Variants in ZC3H12B observed in about 807,000 individuals in gnomAD.
ZC3H12B encodes the protein probable ribonuclease ZC3H12B.
ZC3H12B carries 7 observed loss-of-function variants against 43.9 expected under a neutral mutation model. The observed-to-expected ratio is 0.16, with a 90% CI of 0.09 to 0.30. The LOEUF is 0.30. ZC3H12B is among the 10% of genes least tolerant of loss of function. The pLI is 1.00. For missense variants in ZC3H12B, 475 were observed against 670.2 expected, an observed-to-expected ratio of 0.71 and a Z score of 3.22; for synonymous variants, 222 against 241.7, an observed-to-expected ratio of 0.92 and a Z score of 0.76.
chrX:65,449,918 G>T (rs2067446480), intron 3 of ZC3H12B, among the ~76,000 whole-genome samples: 1 of 111,264 alleles, frequency 9.0e-6, no homozygotes, highest in Admixed American at 9.6e-5. Context: ...CACTACTCAG[G>T]TGATCAGTGT....
the ZC3H12B span, among the ~76,000 whole-genome samples, chrX:65,291,694 G>A: frequency 6.2e-5 from 7 of 112,049 alleles, no homozygotes; most frequent in Non-Finnish European, 1.1e-4. Flanking sequence ...TTTAATTAGT[G>A]ATGATAATTA....
upstream of ZC3H12B, among the ~76,000 whole-genome samples, chrX:65,364,828 C>A (rs2066152571): frequency 9.0e-6 from 1 of 111,246 alleles, no homozygotes; most frequent in Non-Finnish European, 1.9e-5. Context: ...TGTGACCTCC[C>A]TTCCCTACAC....
At chrX:65,209,576 G>A in the ZC3H12B span, among the ~76,000 whole-genome samples, 2 of 106,112 alleles carry the variant, frequency 1.9e-5, no homozygotes, top group African/African-American at 3.4e-5. Context: ...TTTTACATTT[G>A]CTGAGGAGAG....
the ZC3H12B span, among the ~76,000 whole-genome samples, chrX:65,345,291 C>A: frequency 1.8e-5 from 2 of 112,115 alleles, no homozygotes; most frequent in South Asian, 7.4e-4. Flanking sequence ...GACGTGGACT[C>A]AACCTAAGAG....
At chrX:65,239,418 G>C in the ZC3H12B span, among the ~76,000 whole-genome samples, 70 of 105,104 alleles carry the variant, frequency 6.7e-4, no homozygotes, top group African/African-American at 2.4e-3. Context: ...TTTTCCATTT[G>C]CTTGATATTT....
chrX:65,225,840 A>T, the ZC3H12B span, among the ~76,000 whole-genome samples: 3 of 111,950 alleles, frequency 2.7e-5, no homozygotes, highest in East Asian at 8.4e-4. Flanking sequence ...GAACAAAAAG[A>T]AACGAACAAA....
the ZC3H12B span, among the ~76,000 whole-genome samples, chrX:65,311,633 C>G: frequency 2.7e-5 from 3 of 111,695 alleles, no homozygotes; most frequent in Non-Finnish European, 5.6e-5. Flanking sequence ...ACCCAGCGAT[C>G]CCATTACTGT....
the ZC3H12B span, among the ~76,000 whole-genome samples, chrX:65,149,847 G>C: frequency 9.3e-6 from 1 of 107,873 alleles, no homozygotes; most frequent in Admixed American, 1.0e-4. Flanking sequence ...GGCATCTGCA[G>C]TAACTACCCT....
chrX:65,185,837 T>C, the ZC3H12B span: 1 of 111,529 alleles, frequency 9.0e-6, no homozygotes, highest in Non-Finnish European at 1.9e-5. Context: ...TAACCAAATC[T>C]TGAAAGATTT....
the ZC3H12B span, among the ~76,000 whole-genome samples, chrX:65,141,594 A>T: frequency 9.2e-6 from 1 of 109,281 alleles, no homozygotes; most frequent in Non-Finnish European, 1.9e-5. Flanking sequence ...TTTAGTGATG[A>T]TTTGTGAGAT....
chrX:65,272,642 T>C, the ZC3H12B span: 1 of 111,995 alleles, frequency 8.9e-6, no homozygotes, highest in Admixed American at 9.4e-5. Flanking sequence ...CTCTGTTTTA[T>C]TTCCTATTTA....
At chrX:65,312,826 C>T in the ZC3H12B span, among the ~76,000 whole-genome samples, 1 of 111,945 alleles carries the variant, frequency 8.9e-6, no homozygotes, top group Non-Finnish European at 1.9e-5. Context: ...GCTCCACCCT[C>T]ATGACCTAAT....
chrX:65,423,481 A>G (rs2067044279), intron 3 of ZC3H12B, among the ~76,000 whole-genome samples: 1 of 112,432 alleles, frequency 8.9e-6, no homozygotes, highest in Admixed American at 9.4e-5. Flanking sequence ...CCAACAGTGT[A>G]AAAGCATTTC....
intron 3 of ZC3H12B, among the ~76,000 whole-genome samples, chrX:65,429,342 G>A (rs1385271029): frequency 8.9e-6 from 1 of 112,543 alleles, no homozygotes; most frequent in Non-Finnish European, 1.9e-5. Flanking sequence ...AGGGCCCACA[G>A]GCTAGATTGA....
chrX:65,151,689 T>C, the ZC3H12B span, among the ~76,000 whole-genome samples: 2 of 111,635 alleles, frequency 1.8e-5, no homozygotes, highest in South Asian at 3.8e-4. Flanking sequence ...CTGAAACTAT[T>C]CCAATCAATA....
At chrX:65,058,176 A>G in the ZC3H12B span, among the ~76,000 whole-genome samples, 1 of 110,082 alleles carries the variant, frequency 9.1e-6, no homozygotes, top group East Asian at 2.9e-4. Context: ...TAGAATTTTC[A>G]CCTTTTCTGC....
At position 65,497,368 on chromosome X, in the gene ZC3H12B, G is replaced by T. The variant is rs932934917; in HGVS notation, c.748+97G>T. ...ATTTAGATATTTATTTTTCAAAGTT[G>T]TTAAGTATATTTAAAGTATTTTTAT... On this transcript the variant is annotated intron_variant, in intron 2 of 4. Transcript: ENST00000338957. 7 of 796,678 alleles carry T rather than the reference G, an allele frequency of 8.8e-6. No individual in the cohort carries two copies. The African/African-American group carries it at 1.5e-4, about 17-fold the overall frequency. The allele number at this position is 796,678 out of a possible 1,213,427, so 65.7% of individuals were successfully genotyped here.
At chrX:65,063,113 C>G in the ZC3H12B span, among the ~76,000 whole-genome samples, 2 of 111,911 alleles carry the variant, frequency 1.8e-5, no homozygotes, top group African/African-American at 6.5e-5. Flanking sequence ...CAAACAGACA[C>G]AATCTGACTT....
At chrX:65,492,682 G>A (rs1220765188) in intron 1 of ZC3H12B, among the ~76,000 whole-genome samples, 1 of 112,162 alleles carries the variant, frequency 8.9e-6, no homozygotes, top group Non-Finnish European at 1.9e-5. Flanking sequence ...TGTTATTACT[G>A]TTAATCTAAA....
Sources: gnomAD v4.1 joint callset for allele counts (sites outside exome capture counted in the v4.1 genomes callset) on GRCh38, gnomAD v4.1.1 for gene constraint, MANE v1.5 for transcripts, NCBI Gene and HGNC (gene_info 2026-07-23, HGNC 2026-07-21) for gene names.